DCLK1: variants seen among roughly 807,000 people sequenced by gnomAD.
DCLK1 encodes the protein doublecortin like kinase 1.
Under a neutral mutation model 86.2 loss-of-function variants are expected in DCLK1, and 16 were observed. The ratio of observed to expected loss-of-function variants is 0.19; its 90% CI spans 0.13 to 0.28. DCLK1 has a LOEUF of 0.28. DCLK1 is among the 10% of genes least tolerant of loss of function. The pLI is 1.00. For synonymous variants in DCLK1, 369 were observed against 370.5 expected, an observed-to-expected ratio of 1.00 and a Z score of 0.05; for missense variants, 590 against 940.2, an observed-to-expected ratio of 0.63 and a Z score of 4.87.
At chr13:35,873,735 CT>C in intron 4 of DCLK1, among the ~76,000 whole-genome samples, 4 of 152,128 alleles carry the variant, frequency 2.6e-5, no homozygotes, top group African/African-American at 9.7e-5. Flanking sequence ...GGGTCCCTCA[CT>C]GAGGTTAGGT....
At chr13:35,911,596 G>C (rs1020773927) in intron 4 of DCLK1, among the ~76,000 whole-genome samples, 1 of 152,124 alleles carries the variant, frequency 6.6e-6, no homozygotes, top group Non-Finnish European at 1.5e-5. Context: ...GGAGGAGGCG[G>C]ACCTCTAGGA....
chr13:35,864,815 G>T (rs905814660), intron 5 of DCLK1, among the ~76,000 whole-genome samples: 1 of 151,860 alleles, frequency 6.6e-6, no homozygotes, highest in Non-Finnish European at 1.5e-5. Context: ...ATTACACCCA[G>T]CTAGTTTTTA....
Position 35,895,937 on chromosome 13 carries a change from A to AT in DCLK1, c.824-24598dup, listed in dbSNP as rs11313026. Among the ~76,000 whole-genome samples the AT allele has an allele frequency of 1.2e-3, 185 of 150,070 alleles. 1 individual carries two copies. Among genetic ancestry groups the AT allele is most frequent in the African/African-American group, 4.3e-3 (177 of 41,104 alleles). ...CAAACGCCAGATTGATTTTTTTATG[A>AT]TTTTTTTTTTTGTAGTTCACATAAA... On this transcript the variant is annotated intron_variant, in intron 4 of 16. Transcript: ENST00000360631.
At chr13:36,002,542 G>A (rs935089548) in intron 3 of DCLK1, among the ~76,000 whole-genome samples, 3 of 152,104 alleles carry the variant, frequency 2.0e-5, no homozygotes, top group Non-Finnish European at 4.4e-5. Context: ...TTCCACTGAG[G>A]CATTTTAAGC....
chr13:35,996,715 A>G lies in DCLK1; in HGVS notation c.724-49258T>C, dbSNP rs559377099. Among the ~76,000 whole-genome samples, 16 of 133,550 alleles carry G rather than the reference A, an allele frequency of 1.2e-4. 1 individual carries two copies. In the East Asian group the frequency reaches 1.6e-3, roughly 13 times the overall value. The allele number at this position is 133,550 out of a possible 152,430, so 87.6% of individuals were successfully genotyped here. On this transcript the variant is annotated intron_variant, in intron 3 of 16. Transcript: ENST00000360631. ...AACAAATCTCTTTCCATATATATATATACACACAACCTATTGGTTCTGTTT... is the reference window on the plus strand; with the variant it reads ...AACAAATCTCTTTCCATATATATATGTACACACAACCTATTGGTTCTGTTT...
At chr13:35,779,513 G>A (rs866488678) in intron 16 of DCLK1, among the ~76,000 whole-genome samples, 9 of 151,914 alleles carry the variant, frequency 5.9e-5, no homozygotes, top group Admixed American at 2.0e-4. Flanking sequence ...TATTAAGTGT[G>A]TATTAAACAT....
intron 3 of DCLK1, among the ~76,000 whole-genome samples, chr13:36,001,543 C>T (rs1379937723): frequency 6.6e-6 from 1 of 152,010 alleles, no homozygotes; most frequent in Admixed American, 6.6e-5. Flanking sequence ...TGCTAGGACT[C>T]CTTTAGCATG....
At chr13:35,984,897 GCACACACA>G (rs10598942) in intron 3 of DCLK1, among the ~76,000 whole-genome samples, 92 of 148,350 alleles carry the variant, frequency 6.2e-4, no homozygotes, top group African/African-American at 2.2e-3. Flanking sequence ...GCGTGCGCAT[GCACACACA>G]CACACACACA....
chr13:35,859,301 C>T (rs1871252069), intron 5 of DCLK1, among the ~76,000 whole-genome samples: 1 of 152,212 alleles, frequency 6.6e-6, no homozygotes, highest in South Asian at 2.1e-4. Context: ...TTACCCAGTT[C>T]TGGTCTCCTT....
intron 3 of DCLK1, among the ~76,000 whole-genome samples, chr13:35,981,509 G>A (rs763630367): frequency 3.3e-5 from 5 of 152,040 alleles, no homozygotes; most frequent in Admixed American, 6.6e-5. Flanking sequence ...CAGAATCCAT[G>A]GTTTACCTTA....
At chr13:35,858,648 A>G (rs576501590) in intron 5 of DCLK1, among the ~76,000 whole-genome samples, 1 of 152,144 alleles carries the variant, frequency 6.6e-6, no homozygotes, top group Non-Finnish European at 1.5e-5. Context: ...TCCTTTAGGC[A>G]AGGTTATTGC....
Position 35,947,559 on chromosome 13 carries a change from T to C in DCLK1, c.724-102A>G. ...CTGCATAAAGCCCCTTCCCACCTAA[T>C]GGAATCAACAGGGCAGCTTCCACAG... On this transcript the variant is annotated intron_variant, in intron 3 of 16. Coordinates refer to ENST00000360631, the MANE Select transcript of DCLK1 (RefSeq NM_001330071.2). The C allele has an allele frequency of 9.3e-6, 8 of 861,414 alleles. No individual in the cohort carries two copies. The South Asian group carries it at 1.1e-4, about 12-fold the overall frequency. The allele number at this position is 861,414 out of a possible 1,614,324, so 53.4% of individuals were successfully genotyped here.
At chr13:36,015,228 G>A (rs1881494646) in intron 3 of DCLK1, among the ~76,000 whole-genome samples, 1 of 152,182 alleles carries the variant, frequency 6.6e-6, no homozygotes, top group African/African-American at 2.4e-5. Context: ...TCTGCAATGA[G>A]TTTGAACCTG....
At chr13:35,839,261 G>C (rs1052668024) in intron 6 of DCLK1, 85 bp from the exon 7 acceptor site, 1 of 1,262,650 alleles carries the variant, frequency 7.9e-7, no homozygotes, top group Non-Finnish European at 1.1e-6. Flanking sequence ...GGAATCTCAG[G>C]AGAAAACTTT....
intron 4 of DCLK1, among the ~76,000 whole-genome samples, chr13:35,922,153 T>A (rs1875839588): frequency 6.6e-6 from 1 of 152,186 alleles, no homozygotes; most frequent in African/African-American, 2.4e-5. Flanking sequence ...ACTTTCAATC[T>A]CTGCTATTTC....
chr13:35,871,177 G>T, intron 5 of DCLK1, 47 bp downstream of exon 5: 2 of 1,489,094 alleles, frequency 1.3e-6, no homozygotes, highest in Non-Finnish European at 1.9e-6. Flanking sequence ...TGCTCATCCT[G>T]TGTCAGGAAC....
intron 10 of DCLK1, 143 bp downstream of exon 10, chr13:35,827,492 T>A: frequency 1.0e-6 from 1 of 1,001,920 alleles, no homozygotes; most frequent in Non-Finnish European, 1.4e-6. Flanking sequence ...TGTACCATTC[T>A]CCTGTGAACA....
At chr13:35,811,005 C>T in intron 11 of DCLK1, 37 bp from the exon 12 acceptor site, 2 of 1,612,276 alleles carry the variant, frequency 1.2e-6, no homozygotes, top group African/African-American at 1.3e-5. Context: ...GTCTGAAAAC[C>T]AAGAGCTCAA....
In DCLK1 at chr13:35,822,109, T is replaced by C. The variant is rs566268032; in HGVS notation, c.1554+620A>G. Among the ~76,000 whole-genome samples the C allele has an allele frequency of 1.6e-3, 245 of 152,176 alleles. 1 individual carries two copies. The highest frequency in any genetic ancestry group is 3.8e-3 in the African/African-American group (159 of 41,526). ...AGTCTAAAAGGGCTTCCTTTTTTTT[T>C]CCCCAAGTAAAAACTTCTTTTTACT... On this transcript the variant is annotated intron_variant, in intron 11 of 16. Transcript: ENST00000360631.
Sources: allele counts gnomAD v4.1 joint callset (sites outside exome capture counted in the v4.1 genomes callset), GRCh38; gene constraint gnomAD v4.1.1; transcripts MANE v1.5; gene names NCBI Gene and HGNC (gene_info 2026-07-23, HGNC 2026-07-21).